The following MAST3 variants were observed in gnomAD, a reference collection of about 807,000 sequenced individuals.
MAST3 encodes the protein microtubule associated serine/threonine kinase 3.
MAST3 carries 43 observed loss-of-function variants against 127.0 expected under a neutral mutation model. The ratio of observed to expected loss-of-function variants is 0.34; its 90% CI spans 0.27 to 0.44. The LOEUF (loss-of-function observed/expected upper bound fraction) is 0.44, where lower values mean the gene tolerates loss of function less well. Among genes scored for constraint, MAST3 ranks in the 20% least tolerant of loss-of-function variants. The probability of loss-of-function intolerance (pLI) is 1.00; values close to 1 mark genes in which losing one functional copy is unlikely to be tolerated. For synonymous variants in MAST3, 785 were observed against 809.2 expected (o/e 0.97, Z 0.51); for missense variants, 1,390 against 1,919.1 (o/e 0.72, Z 5.15).
intron 3 of MAST3, among the ~76,000 whole-genome samples, chr19:18,116,396 G>C (rs201588484): frequency 6.6e-6 from 1 of 150,860 alleles, no homozygotes; most frequent in African/African-American, 2.4e-5. Context: ...GGGTTCAAGC[G>C]ATTCTCCTGC....
chr19:18,105,089 C>T (rs371023751), intron 1 of MAST3, among the ~76,000 whole-genome samples: 2 of 152,132 alleles, frequency 1.3e-5, no homozygotes, highest in Non-Finnish European at 2.9e-5. Flanking sequence ...CGTGATTGAC[C>T]GGGTGCGATG....
rs1350514778 is a variant in MAST3 at position 18,145,969 on chromosome 19, A to G, written c.3162+104A>G. The G allele has an allele frequency of 2.2e-6, 3 of 1,361,896 alleles. No homozygotes were observed. Among genetic ancestry groups the G allele is most frequent in the Non-Finnish European group, 2.9e-6 (3 of 1,029,708 alleles). 84.4% of individuals were successfully genotyped at this position (1,361,896 alleles called of 1,614,324 possible). ...CGTCCAGACACACAACCCCACATTC[A>G]ATGTCAACTCCAGGCCTGGCACATC... On this transcript the variant is annotated intron_variant, in intron 25 of 27. Coordinates refer to ENST00000687212, the MANE Select transcript of MAST3 (RefSeq NM_001393504.1). This position sits in a 1 kb window ranked among gnomAD's most constrained non-coding sequence, Gnocchi z 5.9.
At chr19:18,117,578 C>G (rs562566801) in intron 3 of MAST3, among the ~76,000 whole-genome samples, 1 of 152,232 alleles carries the variant, frequency 6.6e-6, no homozygotes, top group South Asian at 2.1e-4. Flanking sequence ...GGAGAGGACG[C>G]AGTTTTGCCA....
chr19:18,113,200 G>A (rs2038841981), intron 3 of MAST3, among the ~76,000 whole-genome samples: 1 of 152,152 alleles, frequency 6.6e-6, no homozygotes, highest in Non-Finnish European at 1.5e-5. Flanking sequence ...GGCCTGGCGG[G>A]GGAATGGGTC....
At chr19:18,122,598 A>T in intron 5 of MAST3, 75 bp from the exon 6 acceptor site, 1 of 1,254,756 alleles carries the variant, frequency 8.0e-7, no homozygotes, top group Non-Finnish European at 1.1e-6. Context: ...TATGCTGGCC[A>T]CAGTGTCTGT....
intron 3 of MAST3, among the ~76,000 whole-genome samples, chr19:18,120,940 C>A (rs1938788642): frequency 6.6e-6 from 1 of 151,984 alleles, no homozygotes; most frequent in Admixed American, 6.6e-5. Context: ...AGGCTGGTCT[C>A]AAACTCCTGA....
chr19:18,149,718 A>G lies in MAST3; in HGVS notation c.4036A>G (p.Arg1346Gly), dbSNP rs745342502. 6.2e-7 allele frequency: 1 copy of G among 1,612,368 alleles called. No homozygotes were observed. The highest frequency in any genetic ancestry group is 2.2e-5 in the East Asian group (1 of 44,850). Residue 1346 changes from arginine (R) to glycine (G), a missense_variant, in exon 28 of 28, where the codon AGA (arginine) becomes GGA (glycine). Arg to Gly is a moderately radical substitution (Grantham distance 125). Around this residue, in one of 5 missense-constraint regions of MAST3, gnomAD observed 816 missense variants for 934.1 expected, o/e 0.87. Transcript: ENST00000687212. The surrounding 1 kb of genome is among the most constrained non-coding windows in gnomAD (Gnocchi z 5.9). ...GCCAGTAGCTCTCGGGCCCACCGGA[A>G]GAGACTGATCCCCTGCCAGGTCTCT... ...AVPVALGPTG[R>G]D
Position 18,118,091 on chromosome 19 carries a change from C to T in MAST3, c.162-3594C>T, listed in dbSNP as rs538700744. 42 of 985,336 alleles carry T rather than the reference C, an allele frequency of 4.3e-5. No homozygotes were observed. The Admixed American group carries it at 9.2e-4, about 22-fold the overall frequency. The allele number at this position is 985,336 out of a possible 1,614,324, so 61.0% of individuals were successfully genotyped here. ...CCCCTCCCTGTCCGGCTCCGCGGGG[C>T]TCCTGGGGCCGATCCCACCGCCGAG... On this transcript the variant is annotated intron_variant, in intron 3 of 27. Coordinates refer to ENST00000687212, the MANE Select transcript of MAST3 (RefSeq NM_001393504.1).
At chr19:18,135,586 G>T (rs755615405) in intron 17 of MAST3, among the ~76,000 whole-genome samples, 154 bp from the exon 18 acceptor site, 53 of 152,222 alleles carry the variant, frequency 3.5e-4, no homozygotes, top group Middle Eastern at 3.2e-3. Context: ...TGTGGCAAAG[G>T]CTGTCAGTGG....
chr19:18,144,787 G>A lies in MAST3; in HGVS notation c.2812+94G>A. 3 of 1,352,626 alleles carry A rather than the reference G, an allele frequency of 2.2e-6. No individual in the cohort carries two copies. The highest frequency in any genetic ancestry group is 3.1e-6 in the Non-Finnish European group (3 of 962,368). 83.8% of individuals were successfully genotyped at this position (1,352,626 alleles called of 1,614,324 possible). A position where few individuals can be genotyped will look rare whatever the true frequency, so the allele number is the denominator to read the frequency against. ...CCTGAGTTGGGGAGGCTGGGGATGA[G>A]CCCCAGAAGAGGGGAGGAGGAGTAG... On this transcript the variant is annotated intron_variant, in intron 23 of 27. Coordinates refer to ENST00000687212, the MANE Select transcript of MAST3 (RefSeq NM_001393504.1). The surrounding 1 kb of genome is among the most constrained non-coding windows in gnomAD (Gnocchi z 4.0).
chr19:18,151,318 C>T lies in MAST3; in HGVS notation c.*1592C>T, dbSNP rs1430365056. The T allele has an allele frequency of 5.9e-5, 9 of 152,196 alleles. No individual in the cohort carries two copies. Among genetic ancestry groups the T allele is most frequent in the African/African-American group, 2.2e-4 (9 of 41,448 alleles). The allele number at this position is 152,196 out of a possible 1,614,324, so 9.4% of individuals were successfully genotyped here. On this transcript the variant is annotated 3_prime_UTR_variant, in exon 28 of 28. Coordinates refer to ENST00000687212, the MANE Select transcript of MAST3 (RefSeq NM_001393504.1). ...AGGCTGGAGGTGGTGTCATCACCTCCATTTTACAGACAAAGCAGCTGAGAC... is the reference window on the plus strand; with the variant it reads ...AGGCTGGAGGTGGTGTCATCACCTCTATTTTACAGACAAAGCAGCTGAGAC...
At position 18,144,431 on chromosome 19, in the gene MAST3, T is replaced by C. The variant is rs556659596; in HGVS notation, c.2585-35T>C. On this transcript the variant is annotated intron_variant, in intron 22 of 27. Coordinates refer to ENST00000687212, the MANE Select transcript of MAST3 (RefSeq NM_001393504.1). This position sits in a 1 kb window ranked among gnomAD's most constrained non-coding sequence, Gnocchi z 4.0. ...TCCCTTTAGGACCACATGGTGAGTT[T>C]GAGGGGCACCCAGCTGACCCTGCTG... The C allele has an allele frequency of 2.2e-5, 34 of 1,522,266 alleles. 1 individual carries two copies. In the South Asian group the frequency reaches 3.6e-4, roughly 16 times the overall value. The allele number at this position is 1,522,266 out of a possible 1,614,324, so 94.3% of individuals were successfully genotyped here. A position where few individuals can be genotyped will look rare whatever the true frequency, so the allele number is the denominator to read the frequency against.
At chr19:18,123,686 C>T (rs749937883) in intron 8 of MAST3, 31 bp downstream of exon 8, 9 of 1,500,340 alleles carry the variant, frequency 6.0e-6, no homozygotes, top group Non-Finnish European at 8.0e-6. Flanking sequence ...GGACCAGCCC[C>T]TGCACTTCTT....
In MAST3 at chr19:18,143,844, G is replaced by A. The variant is rs764582359; in HGVS notation, c.2421G>A (p.Leu807=). 2 of 1,613,790 alleles carry A rather than the reference G, an allele frequency of 1.2e-6. No homozygotes were observed. The highest frequency in any genetic ancestry group is 2.7e-5 in the African/African-American group (2 of 74,912). ...QPERGPSPSL[L]NTISLDTMPK... ...AGCGGGGTCCCAGCCCATCTCTCCT[G>A]AATACCATCAGCCTGGACACAATGC... Residue 807 remains leucine (L), a synonymous_variant, in exon 22 of 28, where the codon CTG becomes CTA. Transcript: ENST00000687212.
intron 19 of MAST3, among the ~76,000 whole-genome samples, chr19:18,137,886 A>G (rs2147570957): frequency 6.6e-6 from 1 of 152,228 alleles, no homozygotes; most frequent in East Asian, 1.9e-4. Flanking sequence ...CTTCTGTAAA[A>G]TGAGGAACAT....
chr19:18,134,537 C>T (rs1192918330), intron 15 of MAST3, 42 bp from the exon 16 acceptor site: 2 of 1,570,996 alleles, frequency 1.3e-6, no homozygotes, highest in East Asian at 4.6e-5. Flanking sequence ...GGCCAGGCAC[C>T]CCAGCCCCCC....
Position 18,097,806 on chromosome 19 carries a change from G to T in MAST3, c.14G>T (p.Ser5Ile). Residue 5 changes from serine (S) to isoleucine (I), a missense_variant, in exon 1 of 28, where the codon AGC (serine) becomes ATC (isoleucine). Ser to Ile is a moderately radical substitution (Grantham distance 142, BLOSUM62 -2). Coordinates refer to ENST00000687212, the MANE Select transcript of MAST3 (RefSeq NM_001393504.1). ...GACTCCCGGGCCATGGACGAGTCGAGCCTCCTGCGGCGCCGCGGGCTCCAG... is the reference window on the plus strand; with the variant it reads ...GACTCCCGGGCCATGGACGAGTCGATCCTCCTGCGGCGCCGCGGGCTCCAG... MDES[S>I]LLRRRGLQKE... 1 of 1,225,238 alleles carries T rather than the reference G, an allele frequency of 8.2e-7. No individual in the cohort carries two copies. Among genetic ancestry groups the T allele is most frequent in the Non-Finnish European group, 1.0e-6 (1 of 983,934 alleles). 75.9% of individuals were successfully genotyped at this position (1,225,238 alleles called of 1,614,324 possible).
rs1555811143 is a variant in MAST3 at position 18,149,898 on chromosome 19, T to TGA, written c.*172_*173insGA. 1.4e-6 allele frequency: 1 copy of TGA among 724,788 alleles called. No homozygotes were observed. The highest frequency in any genetic ancestry group is 3.5e-5 in the East Asian group (1 of 28,734). The allele number at this position is 724,788 out of a possible 1,614,324, so 44.9% of individuals were successfully genotyped here. On this transcript the variant is annotated 3_prime_UTR_variant, in exon 28 of 28. Transcript: ENST00000687212. The surrounding 1 kb of genome is among the most constrained non-coding windows in gnomAD (Gnocchi z 5.9). ...GACATCGCTTGTGTTCTGGTGTCAA[T>TGA]CGGGGCTGGATGGGGCAAGAATGGG... is the stretch of plus-strand genomic sequence containing the variant.
Position 18,149,409 on chromosome 19 carries a change from C to G in MAST3, c.3727C>G (p.Leu1243Val). 1 of 1,466,926 alleles carries G rather than the reference C, an allele frequency of 6.8e-7. No individual in the cohort carries two copies. The allele number at this position is 1,466,926 out of a possible 1,614,324, so 90.9% of individuals were successfully genotyped here. ...GCCCCCACCCCGCTCGCCCTCGCCC[C>G]TGCCCGGGCACCCGCCCGCACCTGC... The part of the protein sequence containing the change: ...SAPPPRSPSP[L>V]PGHPPAPARS... The change falls in exon 28 of 28, where the codon CTG (leucine) becomes GTG (valine). Residue 1243 changes from leucine (L) to valine (V), a missense_variant. Leu to Val is a conservative substitution (Grantham distance 32). Transcript: ENST00000687212. The surrounding 1 kb of genome is among the most constrained non-coding windows in gnomAD (Gnocchi z 5.9).
Sources: gnomAD v4.1 joint callset for allele counts (sites outside exome capture counted in the v4.1 genomes callset) on GRCh38, gnomAD v4.1.1 for gene constraint, gnomAD v4.1.1 regional missense constraint, Gnocchi (gnomAD v3.1) non-coding constraint, MANE v1.5 for transcripts, NCBI Gene and HGNC (gene_info 2026-07-23, HGNC 2026-07-21) for gene names.